UGT8: variants seen among roughly 807,000 people sequenced by gnomAD.
The protein encoded by UGT8 is UDP glycosyltransferase 8.
UGT8 carries 12 observed loss-of-function variants against 40.5 expected under a neutral mutation model. That is an observed-to-expected ratio of 0.30 (90% CI 0.19 to 0.48). The LOEUF is 0.48. Among genes scored for constraint, UGT8 ranks in the 20% least tolerant of loss-of-function variants. UGT8 has a pLI of 0.99. For synonymous variants in UGT8, 224 were observed against 240.4 expected (o/e 0.93, Z 0.63); for missense variants, 513 against 648.7 (o/e 0.79, Z 2.27).
chr4:114,625,509 T>TAAA (rs767102968), intron 2 of UGT8, among the ~76,000 whole-genome samples: 1,020 of 75,148 alleles, frequency 0.014, 30 homozygotes, highest in East Asian at 0.062. Flanking sequence ...AGACCCTGTC[T>TAAA]AAAAAAAAAA....
chr4:114,660,720 A>T (rs1248268066), intron 2 of UGT8, among the ~76,000 whole-genome samples: 1 of 151,962 alleles, frequency 6.6e-6, no homozygotes, highest in Non-Finnish European at 1.5e-5. Context: ...GTGAAACCCC[A>T]TCTCTAGTAA....
At chr4:114,641,586 G>A (rs575874858) in intron 2 of UGT8, among the ~76,000 whole-genome samples, 1 of 152,130 alleles carries the variant, frequency 6.6e-6, no homozygotes, top group South Asian at 2.1e-4. Context: ...ATCTGGCCAG[G>A]GTTACAGTGA....
At chr4:114,651,878 A>T (rs1172348360) in intron 2 of UGT8, among the ~76,000 whole-genome samples, 3 of 152,114 alleles carry the variant, frequency 2.0e-5, no homozygotes, top group Admixed American at 6.6e-5. Context: ...TGGATTTTTT[A>T]TGGATTTGAT....
At chr4:114,598,693 GGGGCGCGGCTGGGGGGC>G (rs148467314), upstream of UGT8, 109,900 of 150,458 alleles carry the variant, frequency 0.73, 41,094 homozygotes, top group South Asian at 0.88. Context: ...CACGCAGGGC[GGGGCGCGGCTGGGGGGC>G]GGGGGGCCTG....
chr4:114,659,032 A>G (rs1734359224), intron 2 of UGT8, among the ~76,000 whole-genome samples: 1 of 152,166 alleles, frequency 6.6e-6, no homozygotes, highest in South Asian at 2.1e-4. Flanking sequence ...GGAGGACAAC[A>G]AGCCCCTCAC....
intron 2 of UGT8, among the ~76,000 whole-genome samples, chr4:114,644,812 A>G (rs1733458564): frequency 6.6e-6 from 1 of 152,098 alleles, no homozygotes; most frequent in Non-Finnish European, 1.5e-5. Flanking sequence ...GGAGTTGTCA[A>G]CATACATCTC....
intron 5 of UGT8, among the ~76,000 whole-genome samples, chr4:114,673,049 A>G (rs1735399429): frequency 6.6e-6 from 1 of 152,168 alleles, no homozygotes; most frequent in Non-Finnish European, 1.5e-5. Flanking sequence ...TTAATAGAAG[A>G]TATTTATACT....
intron 1 of UGT8, among the ~76,000 whole-genome samples, chr4:114,617,572 A>G (rs1731520759): frequency 1.3e-5 from 2 of 152,310 alleles, no homozygotes; most frequent in South Asian, 2.1e-4. Flanking sequence ...TTCTGGCAGC[A>G]TGTTACTCCA....
At chr4:114,625,509 T>TAAAAA (rs767102968) in intron 2 of UGT8, among the ~76,000 whole-genome samples, 6 of 75,296 alleles carry the variant, frequency 8.0e-5, no homozygotes, top group African/African-American at 1.5e-4. Flanking sequence ...AGACCCTGTC[T>TAAAAA]AAAAAAAAAA....
intron 2 of UGT8, among the ~76,000 whole-genome samples, chr4:114,654,344 C>T (rs1311216179): frequency 6.6e-6 from 1 of 151,844 alleles, no homozygotes; most frequent in Non-Finnish European, 1.5e-5. Context: ...TTTCAGATTC[C>T]ATTTATGACT....
At chr4:114,602,092 A>G (rs1023701897) in intron 1 of UGT8, among the ~76,000 whole-genome samples, 2 of 152,208 alleles carry the variant, frequency 1.3e-5, no homozygotes, top group Non-Finnish European at 2.9e-5. Flanking sequence ...TGTACCTTTT[A>G]TAGAAAAAAT....
chr4:114,633,454 A>C lies in UGT8; in HGVS notation c.822+9752A>C, dbSNP rs555483304. ...CAACACCCACCCCAAAGTGGGAAGG[A>C]CTTTACATTTTGAAGAACTGAGAAA... On this transcript the variant is annotated intron_variant, in intron 2 of 5. Transcript: ENST00000310836. 1.4e-4 allele frequency among the ~76,000 whole-genome samples: 21 copies of C among 152,282 alleles called. No individual in the cohort carries two copies. The South Asian group carries it at 3.3e-3, about 24-fold the overall frequency.
intron 2 of UGT8, among the ~76,000 whole-genome samples, chr4:114,651,352 T>C (rs919313681): frequency 1.3e-5 from 2 of 152,170 alleles, no homozygotes; most frequent in Non-Finnish European, 2.9e-5. Context: ...TTGGGAATAC[T>C]TCAAGTGTTC....
intron 2 of UGT8, among the ~76,000 whole-genome samples, chr4:114,628,116 C>T (rs1315119056): frequency 6.6e-6 from 1 of 151,910 alleles, no homozygotes; most frequent in Non-Finnish European, 1.5e-5. Flanking sequence ...ACCCAAAAAT[C>T]CATGCTAAGT....
intron 1 of UGT8, 124 bp from the exon 2 acceptor site, chr4:114,622,755 C>G (rs1462281699): frequency 9.3e-6 from 7 of 754,172 alleles, no homozygotes; most frequent in South Asian, 6.9e-5. Context: ...AGTGTCTGTT[C>G]ATGATTTTTT....
Position 114,676,250 on chromosome 4 carries a change from A to C in UGT8, c.1588A>C (p.Arg530=), listed in dbSNP as rs188745999. ...HNGILNGKYK[R]NGHIKHEKKV... is the part of the protein sequence containing the mutation. ...TGGAATCCTCAATGGCAAGTACAAA[A>C]GAAATGGCCATATTAAACATGAAAA... The change falls in exon 6 of 6, where the codon AGA becomes CGA. Residue 530 remains arginine (R), a synonymous_variant. Transcript: ENST00000310836. 326 of 1,604,242 alleles carry C rather than the reference A, an allele frequency of 2.0e-4. No individual in the cohort carries two copies. The East Asian group carries it at 5.6e-3, about 28-fold the overall frequency.
chr4:114,663,876 T>C, intron 2 of UGT8, 119 bp from the exon 3 acceptor site: 1 of 1,482,162 alleles, frequency 6.7e-7, no homozygotes, highest in Non-Finnish European at 9.0e-7. Flanking sequence ...TCATATCCTT[T>C]ACTTTCTAAT....
chr4:114,673,902 G>A (rs1217759768), intron 5 of UGT8, among the ~76,000 whole-genome samples: 1 of 152,056 alleles, frequency 6.6e-6, no homozygotes, highest in Non-Finnish European at 1.5e-5. Context: ...TGAGGTTTTT[G>A]TACTTTTAAT....
intron 4 of UGT8, 171 bp from the exon 5 acceptor site, chr4:114,667,914 A>G (rs866266739): frequency 1.2e-5 from 12 of 974,916 alleles, no homozygotes; most frequent in Non-Finnish European, 1.3e-5. Flanking sequence ...AATTAGGTAT[A>G]TAACAAATAT....
Sources: allele counts gnomAD v4.1 joint callset (sites outside exome capture counted in the v4.1 genomes callset), GRCh38; gene constraint gnomAD v4.1.1; transcripts MANE v1.5; gene names NCBI Gene and HGNC (gene_info 2026-07-23, HGNC 2026-07-21).